The following CTNNA2 variants were observed in gnomAD, a reference collection of about 807,000 sequenced individuals.
The protein encoded by CTNNA2 is catenin alpha-2.
A neutral mutation model predicts 101.0 loss-of-function variants in CTNNA2; 42 were observed. The observed-to-expected ratio is 0.42, with a 90% CI of 0.32 to 0.54. The LOEUF is 0.54. CTNNA2 is among the 20% of genes least tolerant of loss of function. The pLI, the probability that CTNNA2 is intolerant of heterozygous loss-of-function variation, is 0.14. For missense variants in CTNNA2, 871 were observed against 1,223.1 expected (o/e 0.71, Z 4.29); for synonymous variants, 450 against 456.4 (o/e 0.99, Z 0.18).
At chr2:80,179,466 C>G (rs1705618376) in intron 7 of CTNNA2, among the ~76,000 whole-genome samples, 1 of 152,096 alleles carries the variant, frequency 6.6e-6, no homozygotes, top group Non-Finnish European at 1.5e-5. Context: ...CTCTGCCTCC[C>G]AGGTTCACGC....
rs60680995 is a variant in CTNNA2, at chr2:79,218,311, TTGTG to T, written c.-406+20271_-406+20274del. Among the ~76,000 whole-genome samples, 140 of 114,750 alleles carry T rather than the reference TTGTG, an allele frequency of 1.2e-3. 1 individual carries two copies. The highest frequency in any genetic ancestry group is 4.8e-3 in the Middle Eastern group (1 of 208). The allele number at this position is 114,750 out of a possible 152,430, so 75.3% of individuals were successfully genotyped here. A position where few individuals can be genotyped will look rare whatever the true frequency, so the allele number is the denominator to read the frequency against. On this transcript the variant is annotated intron_variant, in intron 2 of 21. Transcript: ENST00000466387. ...CCAGGCACCAGAATCTTCATGAACT[TTGTG>T]TGTGTGTGTGTGTGTGTGTGTGTGT...
chr2:79,415,864 A>G (rs1275122184), intron 4 of CTNNA2, among the ~76,000 whole-genome samples: 2 of 152,164 alleles, frequency 1.3e-5, no homozygotes, highest in African/African-American at 4.8e-5. Context: ...TGTATGAATT[A>G]TCAGTCTTAC....
chr2:79,978,309 C>T (rs965242321), intron 7 of CTNNA2, among the ~76,000 whole-genome samples: 1 of 152,098 alleles, frequency 6.6e-6, no homozygotes, highest in South Asian at 2.1e-4. Context: ...CCCTGGCTTT[C>T]GACATCGGCC....
intron 7 of CTNNA2, among the ~76,000 whole-genome samples, chr2:80,072,884 T>C (rs960192766): frequency 6.6e-6 from 1 of 152,170 alleles, no homozygotes; most frequent in Non-Finnish European, 1.5e-5. Context: ...TTCCATTTGA[T>C]ATTATTGTTT....
chr2:79,869,787 A>G, intron 4 of CTNNA2, 29 bp from the exon 5 acceptor site: 1 of 1,603,306 alleles, frequency 6.2e-7, no homozygotes, highest in Non-Finnish European at 8.5e-7. Flanking sequence ...ACTATCCACT[A>G]ATAAATATGT....
intron 4 of CTNNA2, among the ~76,000 whole-genome samples, chr2:79,411,609 G>A (rs1429800850): frequency 6.6e-6 from 1 of 152,034 alleles, no homozygotes; most frequent in Admixed American, 6.6e-5. Context: ...TTAAAGAAAA[G>A]AATTTTCAAC....
intron 2 of CTNNA2, among the ~76,000 whole-genome samples, chr2:79,305,573 T>G (rs1676220906): frequency 6.6e-6 from 1 of 151,956 alleles, no homozygotes; most frequent in Non-Finnish European, 1.5e-5. Context: ...TAATTTACAT[T>G]ATTGCTTACA....
chr2:80,017,401 TACATATAG>T (rs1377403275), intron 7 of CTNNA2, among the ~76,000 whole-genome samples: 1 of 152,026 alleles, frequency 6.6e-6, no homozygotes, highest in Non-Finnish European at 1.5e-5. Flanking sequence ...CATTGATGTG[TACATATAG>T]ACATATATAC....
chr2:79,313,052 C>T (rs564752529), intron 3 of CTNNA2, among the ~76,000 whole-genome samples: 1 of 152,320 alleles, frequency 6.6e-6, no homozygotes, highest in African/African-American at 2.4e-5. Context: ...GACCAAAATG[C>T]TGATGTCTAG....
intron 18 of CTNNA2, among the ~76,000 whole-genome samples, chr2:80,627,520 G>T (rs1404772573): frequency 6.6e-6 from 1 of 152,090 alleles, no homozygotes; most frequent in African/African-American, 2.4e-5. Flanking sequence ...GTCTTCTTTT[G>T]AGAAGTGTCT....
At chr2:80,027,972 C>CAAAAAAAAAAAAAAA (rs1177032489) in intron 7 of CTNNA2, 9 of 19,804 alleles carry the variant, frequency 4.5e-4, no homozygotes, top group South Asian at 2.1e-3. Flanking sequence ...GACCCTGTCT[C>CAAAAAAAAAAAAAAA]AAAAAAAAAA....
At chr2:80,541,869 G>C (rs1315467846) in intron 9 of CTNNA2, among the ~76,000 whole-genome samples, 1 of 151,510 alleles carries the variant, frequency 6.6e-6, no homozygotes, top group Non-Finnish European at 1.5e-5. Context: ...ATAATACTTT[G>C]TGGCTGCTAC....
At chr2:80,634,362 G>T (rs1672632781) in intron 18 of CTNNA2, among the ~76,000 whole-genome samples, 1 of 152,132 alleles carries the variant, frequency 6.6e-6, no homozygotes, top group Non-Finnish European at 1.5e-5. Context: ...AAGCCTTACA[G>T]GTATCTCAGG....
At chr2:79,531,497 C>T (rs1009399065) in intron 1 of CTNNA2, among the ~76,000 whole-genome samples, 4 of 151,774 alleles carry the variant, frequency 2.6e-5, no homozygotes, top group African/African-American at 9.7e-5. Flanking sequence ...ATGATATTTC[C>T]ATAGCAACGG....
intron 3 of CTNNA2, among the ~76,000 whole-genome samples, chr2:79,328,640 A>G (rs1676802027): frequency 6.6e-6 from 1 of 152,192 alleles, no homozygotes; most frequent in Non-Finnish European, 1.5e-5. Flanking sequence ...TGAGGCATCC[A>G]TGAAGGTAGA....
At chr2:79,817,380 A>C (rs1488460073) in intron 3 of CTNNA2, among the ~76,000 whole-genome samples, 5 of 125,404 alleles carry the variant, frequency 4.0e-5, no homozygotes, top group African/African-American at 1.5e-4. Flanking sequence ...AAATGTGGTC[A>C]GTCTCTTGCT....
intron 6 of CTNNA2, among the ~76,000 whole-genome samples, chr2:79,885,438 T>C (rs1423701196): frequency 6.6e-6 from 1 of 152,248 alleles, no homozygotes; most frequent in Non-Finnish European, 1.5e-5. Flanking sequence ...TCATGGATTC[T>C]TAATATGCTT....
chr2:79,910,197 C>G (rs1685688924), intron 7 of CTNNA2, among the ~76,000 whole-genome samples: 1 of 152,148 alleles, frequency 6.6e-6, no homozygotes, highest in South Asian at 2.1e-4. Context: ...AGATGCGAAT[C>G]TTCACCCCTA....
intron 1 of CTNNA2, among the ~76,000 whole-genome samples, chr2:79,548,708 C>T (rs1673894967): frequency 6.6e-6 from 1 of 152,164 alleles, no homozygotes; most frequent in Non-Finnish European, 1.5e-5. Context: ...GGGACTGGAC[C>T]ATTAATGACT....
Sources: allele counts gnomAD v4.1 joint callset (sites outside exome capture counted in the v4.1 genomes callset), GRCh38; gene constraint gnomAD v4.1.1; transcripts MANE v1.5; gene names NCBI Gene and HGNC (gene_info 2026-07-23, HGNC 2026-07-21).